The following NBEA variants were observed in gnomAD, a reference collection of about 807,000 sequenced individuals.
NBEA encodes neurobeachin.
In NBEA, 44 loss-of-function variants were observed where a neutral mutation model predicts 343.4. The observed-to-expected ratio is 0.13, with a 90% CI of 0.10 to 0.16. NBEA has a LOEUF of 0.16. Among genes scored for constraint, NBEA ranks in the 10% least tolerant of loss-of-function variants. The pLI, the probability that NBEA is intolerant of heterozygous loss-of-function variation, is 1.00. For missense variants in NBEA, 2,555 were observed against 3,631.3 expected (o/e 0.70, Z 7.62); for synonymous variants, 1,175 against 1,238.7 (o/e 0.95, Z 1.08).
At chr13:35,495,087 T>A (rs1209100718) in intron 41 of NBEA, among the ~76,000 whole-genome samples, 1 of 151,936 alleles carries the variant, frequency 6.6e-6, no homozygotes, top group Non-Finnish European at 1.5e-5. Flanking sequence ...AACTCTGTGC[T>A]CTCTACATAC....
intron 1 of NBEA, among the ~76,000 whole-genome samples, chr13:35,017,204 G>C (rs1047281623): frequency 1.1e-4 from 16 of 152,260 alleles, no homozygotes; most frequent in African/African-American, 3.9e-4. Context: ...ATTAAATAAA[G>C]TGAAGAAACT....
At chr13:35,647,648 C>T (rs2084299681) in intron 51 of NBEA, among the ~76,000 whole-genome samples, 1 of 152,124 alleles carries the variant, frequency 6.6e-6, no homozygotes, top group Non-Finnish European at 1.5e-5. Flanking sequence ...CTCACTGCAA[C>T]CTTCGCCTCC....
chr13:35,195,817 ATT>A (rs1234233367), intron 30 of NBEA, 45 bp from the exon 31 acceptor site: 1 of 1,460,758 alleles, frequency 6.8e-7, no homozygotes, highest in Admixed American at 2.3e-5. Flanking sequence ...ATAATACAAG[ATT>A]TTTACTTTCA....
chr13:35,501,190 CT>C (rs2076874457), intron 41 of NBEA, among the ~76,000 whole-genome samples: 1 of 152,058 alleles, frequency 6.6e-6, no homozygotes, highest in Non-Finnish European at 1.5e-5. Flanking sequence ...CTTTCAAAAG[CT>C]TTTCAGAATA....
At chr13:35,468,803 T>C (rs1313817515) in intron 40 of NBEA, among the ~76,000 whole-genome samples, 1 of 152,144 alleles carries the variant, frequency 6.6e-6, no homozygotes, top group African/African-American at 2.4e-5. Context: ...TGTAAAAATA[T>C]AAAAGAGTTT....
chr13:35,272,898 A>T (rs918370175), intron 34 of NBEA, among the ~76,000 whole-genome samples: 4 of 152,180 alleles, frequency 2.6e-5, no homozygotes, highest in African/African-American at 9.7e-5. Flanking sequence ...CCCACACAAT[A>T]ATAATGGAAG....
At chr13:35,325,309 T>A (rs1004614535) in intron 36 of NBEA, among the ~76,000 whole-genome samples, 1 of 152,018 alleles carries the variant, frequency 6.6e-6, no homozygotes, top group South Asian at 2.1e-4. Flanking sequence ...TTTAGTTTTT[T>A]AAAATTTTTA....
chr13:34,986,485 G>A (rs552618710), intron 1 of NBEA, among the ~76,000 whole-genome samples: 18 of 151,044 alleles, frequency 1.2e-4, no homozygotes, highest in Admixed American at 5.3e-4. Context: ...TAAGTGCGAC[G>A]TGTTGCTGAG....
chr13:35,448,431 G>T (rs908387468), intron 39 of NBEA, among the ~76,000 whole-genome samples: 1 of 151,820 alleles, frequency 6.6e-6, no homozygotes, highest in African/African-American at 2.4e-5. Flanking sequence ...TATATTCTCC[G>T]GCTTGCCCCA....
At chr13:35,094,321 G>A (rs2065227839) in intron 10 of NBEA, among the ~76,000 whole-genome samples, 1 of 152,008 alleles carries the variant, frequency 6.6e-6, no homozygotes, top group Non-Finnish European at 1.5e-5. Flanking sequence ...ATGGCTCCGG[G>A]CAGACTCAGT....
chr13:35,505,202 C>A (rs909935949), intron 41 of NBEA, among the ~76,000 whole-genome samples: 3 of 152,012 alleles, frequency 2.0e-5, no homozygotes, highest in Admixed American at 2.0e-4. Context: ...TCATATGAAT[C>A]CAACATTGAG....
At chr13:35,045,132 CTTG>C in intron 3 of NBEA, 85 bp downstream of exon 3, 1 of 1,265,416 alleles carries the variant, frequency 7.9e-7, no homozygotes, top group Admixed American at 2.5e-5. Flanking sequence ...GAGCTATATA[CTTG>C]AATTTATAAT....
At chr13:35,113,933 C>T (rs2066363712) in intron 13 of NBEA, among the ~76,000 whole-genome samples, 1 of 152,064 alleles carries the variant, frequency 6.6e-6, no homozygotes, top group South Asian at 2.1e-4. Context: ...CAAGATTTGG[C>T]CAGTAGGACC....
At chr13:35,097,190 C>T (rs1487519899) in intron 10 of NBEA, among the ~76,000 whole-genome samples, 1 of 151,702 alleles carries the variant, frequency 6.6e-6, no homozygotes, top group African/African-American at 2.4e-5. Flanking sequence ...TGTATTATCC[C>T]TATTGAAACT....
chr13:35,358,075 T>TCAGTGG (rs2040596343), intron 38 of NBEA, among the ~76,000 whole-genome samples: 1 of 152,008 alleles, frequency 6.6e-6, no homozygotes, highest in Non-Finnish European at 1.5e-5. Flanking sequence ...AGGCTGAAGT[T>TCAGTGG]CAGTGGCACG....
intron 7 of NBEA, among the ~76,000 whole-genome samples, chr13:35,056,909 G>A (rs1423108215): frequency 6.6e-6 from 1 of 152,006 alleles, no homozygotes; most frequent in Non-Finnish European, 1.5e-5. Context: ...TTACAGAAGC[G>A]GGAAGATCAC....
chr13:35,288,838 A>C (rs1194018446), intron 34 of NBEA, among the ~76,000 whole-genome samples: 1 of 151,954 alleles, frequency 6.6e-6, no homozygotes, highest in African/African-American at 2.4e-5. Context: ...TCAGAATTCA[A>C]ATCTTTGAGT....
At chr13:35,022,375 A>C (rs183630056) in intron 1 of NBEA, among the ~76,000 whole-genome samples, 2 of 152,062 alleles carry the variant, frequency 1.3e-5, no homozygotes, top group African/African-American at 4.8e-5. Flanking sequence ...CATTTGATAT[A>C]CTCTTGGGTA....
At chr13:35,237,204 A>T (rs1267343253) in intron 34 of NBEA, among the ~76,000 whole-genome samples, 1 of 152,060 alleles carries the variant, frequency 6.6e-6, no homozygotes, top group African/African-American at 2.4e-5. Context: ...GCAGTGAGCC[A>T]CGATCGTACC....
Sources: gnomAD v4.1 joint callset for allele counts (sites outside exome capture counted in the v4.1 genomes callset) on GRCh38, gnomAD v4.1.1 for gene constraint, MANE v1.5 for transcripts, NCBI Gene and HGNC (gene_info 2026-07-23, HGNC 2026-07-21) for gene names.